KIF9: variants seen among roughly 807,000 people sequenced by gnomAD.
The protein encoded by KIF9 is kinesin family member 9.
In KIF9, 68 loss-of-function variants were observed where a neutral mutation model predicts 94.8. The ratio of observed to expected loss-of-function variants is 0.72; its 90% CI spans 0.59 to 0.88. The LOEUF (loss-of-function observed/expected upper bound fraction) is 0.88, where lower values mean the gene tolerates loss of function less well. Ranked by LOEUF, KIF9 falls within the 40% of genes least tolerant of loss-of-function variation. KIF9 has a pLI of 0.00. For missense variants in KIF9, 882 were observed against 982.5 expected (o/e 0.90, Z 1.37); for synonymous variants, 343 against 362.1 (o/e 0.95, Z 0.60).
At chr3:47,282,252 C>T (rs1702425593) in intron 1 of KIF9, 1 of 985,620 alleles carries the variant, frequency 1.0e-6, no homozygotes, top group Non-Finnish European at 1.2e-6. Context: ...GCCTCTATGT[C>T]CTGGACGCGA....
intron 15 of KIF9, 154 bp downstream of exon 15, chr3:47,244,637 G>A: frequency 1.1e-6 from 1 of 917,324 alleles, no homozygotes; most frequent in Non-Finnish European, 1.7e-6. Context: ...CCCAGCCCGG[G>A]CCCCACAGAC....
At position 47,236,083 on chromosome 3, in the gene KIF9, C is replaced by T. The variant is rs1460062957; in HGVS notation, c.2168G>A (p.Gly723Asp). 6.2e-7 allele frequency: 1 copy of T among 1,614,088 alleles called. No individual in the cohort carries two copies. Among genetic ancestry groups the T allele is most frequent in the African/African-American group, 1.3e-5 (1 of 74,932 alleles). Residue 723 changes from glycine (G) to aspartate (D), a missense_variant, in exon 19 of 21, where the codon GGC becomes GAC. Transcript: ENST00000684063. Reference protein sequence around the residue: ...PEDMQMALKPGGSIRPGMVPV... With the variant: ...PEDMQMALKPDGSIRPGMVPV... ...GACCATGCCTGGCCGGATGCTGCCG[C>T]CTGGCTTCAGTGCCATCTGCATGTC... is the stretch of plus-strand genomic sequence containing the variant.
chr3:47,266,872 G>C, intron 7 of KIF9, 104 bp downstream of exon 7: 1 of 893,718 alleles, frequency 1.1e-6, no homozygotes, highest in Non-Finnish European at 1.9e-6. Context: ...GCTCAGGACT[G>C]TGTTCACAAA....
chr3:47,243,477 T>G (rs1699720996), intron 15 of KIF9: 1 of 383,368 alleles, frequency 2.6e-6, no homozygotes, highest in African/African-American at 2.0e-5. Context: ...CCCTCGGTGG[T>G]CTTGGCAGGA....
intron 10 of KIF9, among the ~76,000 whole-genome samples, chr3:47,256,985 A>AC (rs1429183343): frequency 6.6e-6 from 1 of 152,040 alleles, no homozygotes; most frequent in Non-Finnish European, 1.5e-5. Flanking sequence ...AATCTCAAGT[A>AC]CCCGGAGACA....
At chr3:47,270,975 CA>C (rs35244035) in intron 5 of KIF9, among the ~76,000 whole-genome samples, 46 of 90,902 alleles carry the variant, frequency 5.1e-4, no homozygotes, top group South Asian at 2.6e-3. Flanking sequence ...CTTGTCTCTA[CA>C]AAAAAAAAAA....
intron 1 of KIF9, chr3:47,282,179 C>T: frequency 2.0e-6 from 2 of 985,262 alleles, no homozygotes; most frequent in Non-Finnish European, 2.4e-6. Flanking sequence ...CCCAAAGCCC[C>T]CTCTAGTTCG....
intron 4 of KIF9, among the ~76,000 whole-genome samples, chr3:47,272,267 T>G (rs1701697239): frequency 6.6e-6 from 1 of 152,208 alleles, no homozygotes; most frequent in Non-Finnish European, 1.5e-5. Context: ...CCTGCCTTCC[T>G]CTAAGAATTT....
intron 5 of KIF9, 62 bp from the exon 6 acceptor site, chr3:47,267,325 C>T: frequency 8.3e-7 from 1 of 1,206,594 alleles, no homozygotes; most frequent in Non-Finnish European, 1.2e-6. Flanking sequence ...GCACTTGGGT[C>T]ATTTTTCAAT....
At position 47,264,770 on chromosome 3, in the gene KIF9, T is replaced by C. The variant is rs529650106; in HGVS notation, c.917-420A>G. Among the ~76,000 whole-genome samples the C allele has an allele frequency of 3.9e-5, 6 of 152,290 alleles. No individual in the cohort carries two copies. In the East Asian group the frequency reaches 1.2e-3, roughly 29 times the overall value. On this transcript the variant is annotated intron_variant, in intron 8 of 20. Coordinates refer to ENST00000684063, the MANE Select transcript of KIF9 (RefSeq NM_182902.4). ...AATGTTTTTGTCCTTATAAAATTCA[T>C]ATGTTGAAGTTGTAACCCCGACGTG...
intron 14 of KIF9, 63 bp downstream of exon 14, chr3:47,245,358 T>C: frequency 2.4e-6 from 3 of 1,242,934 alleles, no homozygotes; most frequent in South Asian, 2.4e-5. Context: ...TTGCTGGCTC[T>C]GCAAAGGTCT....
At chr3:47,250,916 A>G (rs776745970) in intron 10 of KIF9, among the ~76,000 whole-genome samples, 4 of 152,316 alleles carry the variant, frequency 2.6e-5, no homozygotes, top group Non-Finnish European at 5.9e-5. Context: ...CTGGGCACTG[A>G]GGCCCAACTG....
At chr3:47,241,067 A>G (rs147461881) in intron 16 of KIF9, 52 bp from the exon 17 acceptor site, 351 of 1,511,660 alleles carry the variant, frequency 2.3e-4, no homozygotes, top group Non-Finnish European at 2.9e-4. Flanking sequence ...GCTGCCTTGG[A>G]GCCACCAGGC....
At chr3:47,257,746 A>G (rs1228368786) in intron 9 of KIF9, among the ~76,000 whole-genome samples, 186 bp from the exon 10 acceptor site, 1 of 152,182 alleles carries the variant, frequency 6.6e-6, no homozygotes, top group Non-Finnish European at 1.5e-5. Flanking sequence ...CCCCATGAGA[A>G]GAGCAGGAAG....
chr3:47,239,597 A>AT (rs1185668693), intron 17 of KIF9: 13 of 1,058,722 alleles, frequency 1.2e-5, no homozygotes, highest in East Asian at 7.2e-5. Context: ...TTGTTATTAT[A>AT]TTTTTTTTCC....
chr3:47,238,730 G>A (rs775868177), intron 17 of KIF9, among the ~76,000 whole-genome samples: 5 of 151,860 alleles, frequency 3.3e-5, no homozygotes, highest in South Asian at 2.1e-4. Context: ...GCGCAATCTC[G>A]ACTCACTGCA....
chr3:47,232,776 A>G (rs1575912321), intron 20 of KIF9, among the ~76,000 whole-genome samples: 1 of 150,016 alleles, frequency 6.7e-6, no homozygotes, highest in South Asian at 2.1e-4. Context: ...AGGTCAGGAG[A>G]TCGAGACCAT....
At chr3:47,251,488 C>T (rs1057304546) in intron 10 of KIF9, among the ~76,000 whole-genome samples, 1 of 152,104 alleles carries the variant, frequency 6.6e-6, no homozygotes, top group African/African-American at 2.4e-5. Flanking sequence ...GGCTTGAACC[C>T]GGGAGGCAGA....
At chr3:47,246,034 A>T (rs1013288593) in intron 13 of KIF9, 163 bp downstream of exon 13, 8 of 594,790 alleles carry the variant, frequency 1.3e-5, no homozygotes, top group Middle Eastern at 4.1e-4. Flanking sequence ...CAATTAATGA[A>T]CTCACTGAAT....
Sources: allele counts gnomAD v4.1 joint callset (sites outside exome capture counted in the v4.1 genomes callset), GRCh38; gene constraint gnomAD v4.1.1; transcripts MANE v1.5; gene names NCBI Gene and HGNC (gene_info 2026-07-23, HGNC 2026-07-21).